Variants in P2RX3 observed in about 807,000 individuals in gnomAD.
The protein encoded by P2RX3 is purinergic receptor P2X 3.
P2RX3 carries 41 observed loss-of-function variants against 51.5 expected under a neutral mutation model. The ratio of observed to expected loss-of-function variants is 0.80; its 90% confidence interval spans 0.62 to 1.03. The LOEUF (loss-of-function observed/expected upper bound fraction) is 1.03. Ranked by LOEUF, P2RX3 falls within the 50% of genes least tolerant of loss-of-function variation. The pLI, the probability that P2RX3 is intolerant of heterozygous loss-of-function variation, is 0.00. For missense variants in P2RX3, 459 were observed against 522.1 expected (o/e 0.88, Z 1.18); for synonymous variants, 185 against 191.6 (o/e 0.97, Z 0.29).
At chr11:57,359,708 T>A (rs1192325069) in intron 8 of P2RX3, among the ~76,000 whole-genome samples, 1 of 152,218 alleles carries the variant, frequency 6.6e-6, no homozygotes, top group East Asian at 1.9e-4. Flanking sequence ...GAACTCCTTT[T>A]GGCTCCTCTC....
intron 1 of P2RX3, among the ~76,000 whole-genome samples, chr11:57,341,693 G>A (rs1170595209): frequency 6.6e-6 from 1 of 152,162 alleles, no homozygotes; most frequent in African/African-American, 2.4e-5. Flanking sequence ...AATAGCCTGT[G>A]CTTGGCCTGA....
At chr11:57,347,542 C>T (rs1371698982) in intron 4 of P2RX3, 64 bp downstream of exon 4, 60 of 1,516,998 alleles carry the variant, frequency 4.0e-5, no homozygotes, top group Non-Finnish European at 4.8e-5. Flanking sequence ...GGGGAGAGCC[C>T]GTCGTTGGAG....
chr11:57,361,408 C>T (rs1390474466), intron 8 of P2RX3, among the ~76,000 whole-genome samples: 4 of 152,184 alleles, frequency 2.6e-5, no homozygotes, highest in African/African-American at 7.2e-5. Context: ...GTATTAAGCC[C>T]CACATGCATT....
At chr11:57,365,362 C>A (rs1271835205) in intron 8 of P2RX3, among the ~76,000 whole-genome samples, 1 of 152,232 alleles carries the variant, frequency 6.6e-6, no homozygotes, top group East Asian at 1.9e-4. Flanking sequence ...AGGGGAGGAG[C>A]AATTCCCAGA....
In P2RX3 at chr11:57,371,090, G is replaced by A. The variant is rs1458774454; in HGVS notation, c.*1093G>A. 6.6e-6 allele frequency among the ~76,000 whole-genome samples: 1 copy of A among 152,228 alleles called. No homozygotes were observed. The highest frequency in any genetic ancestry group is 2.4e-5 in the African/African-American group (1 of 41,466). Reference sequence around the variant, plus strand: ...AGATGAGCAAACTGAGGCCAGAAAGGGAAAATGACTGGTTCAGTGCCACAG... The same window carrying A: ...AGATGAGCAAACTGAGGCCAGAAAGAGAAAATGACTGGTTCAGTGCCACAG... On this transcript the variant is annotated 3_prime_UTR_variant, in exon 12 of 12. Coordinates refer to ENST00000263314, the MANE Select transcript of P2RX3 (RefSeq NM_002559.5).
intron 7 of P2RX3, 58 bp downstream of exon 7, chr11:57,349,956 G>A: frequency 6.2e-7 from 1 of 1,605,220 alleles, no homozygotes; most frequent in South Asian, 1.1e-5. Context: ...CCCTTTCCCA[G>A]ATTTCAGGGC....
At chr11:57,339,242 G>T (rs532035141) in intron 1 of P2RX3, among the ~76,000 whole-genome samples, 1 of 152,274 alleles carries the variant, frequency 6.6e-6, no homozygotes, top group African/African-American at 2.4e-5. Context: ...GGGCAAGGGA[G>T]AAGCCCTCTG....
chr11:57,347,371 C>A (rs1323339188), intron 3 of P2RX3, 44 bp from the exon 4 acceptor site: 2 of 1,548,870 alleles, frequency 1.3e-6, no homozygotes, highest in Non-Finnish European at 1.7e-6. Flanking sequence ...GCTCACCAGG[C>A]CAGGACAGTG....
At chr11:57,368,236 C>G (rs1258582310) in intron 9 of P2RX3, 134 bp downstream of exon 9, 2 of 1,296,558 alleles carry the variant, frequency 1.5e-6, no homozygotes, top group Non-Finnish European at 2.2e-6. Context: ...GGTCACTCTC[C>G]CATCAATTCA....
In P2RX3 at chr11:57,372,024, T is replaced by C. The variant is rs936572073; in HGVS notation, c.*2027T>C. On this transcript the variant is annotated 3_prime_UTR_variant, in exon 12 of 12. Transcript: ENST00000263314. The stretch of plus-strand genomic sequence containing the variant: ...CATATCTGAACTAAGTTACCACTTC[T>C]GTGTGCTAGATGTAGGGTTAATATC... 6.6e-6 allele frequency among the ~76,000 whole-genome samples: 1 copy of C among 152,194 alleles called. No homozygotes were observed. The highest frequency in any genetic ancestry group is 3.2e-3 in the Middle Eastern group (1 of 316).
chr11:57,366,818 T>G (rs867170835), intron 8 of P2RX3, among the ~76,000 whole-genome samples: 10 of 152,128 alleles, frequency 6.6e-5, no homozygotes, highest in African/African-American at 1.9e-4. Flanking sequence ...CTCAGATCTC[T>G]CTTCCTCTTC....
chr11:57,342,621 TCAGTCCC>T (rs907705073), intron 1 of P2RX3, among the ~76,000 whole-genome samples: 1 of 152,234 alleles, frequency 6.6e-6, no homozygotes, highest in African/African-American at 2.4e-5. Flanking sequence ...TCTCTAAGTC[TCAGTCCC>T]CATATCTGGA....
intron 8 of P2RX3, among the ~76,000 whole-genome samples, chr11:57,354,922 C>CA: frequency 6.6e-6 from 1 of 152,234 alleles, no homozygotes; most frequent in South Asian, 2.1e-4. Context: ...AGTGCAGTGC[C>CA]AGGGCCAGAA....
At position 57,347,421 on chromosome 11, in the gene P2RX3, G is replaced by C. The variant is rs539059865; in HGVS notation, c.334G>C (p.Glu112Gln). The change falls in exon 4 of 12, where the codon GAG becomes CAG. Residue 112 changes from glutamate to glutamine, a missense_variant. Glu to Gln is a conservative substitution (Grantham distance 29). Coordinates refer to ENST00000263314, the MANE Select transcript of P2RX3 (RefSeq NM_002559.5). Reference protein sequence around the residue: ...QMQGFCPESEEKYRCVSDSQC... With the variant: ...QMQGFCPESEQKYRCVSDSQC... The stretch of plus-strand genomic sequence containing the variant: ...GTGACCCGTCTGCCCACAGAGTGAG[G>C]AGAAATACCGCTGTGTATCAGACAG... 8.3e-6 allele frequency: 13 copies of C among 1,559,710 alleles called. No homozygotes were observed. In the South Asian group the frequency reaches 1.3e-4, roughly 16 times the overall value.
intron 7 of P2RX3, 146 bp from the exon 8 acceptor site, chr11:57,350,615 AT>A (rs1565066004): frequency 6.5e-6 from 7 of 1,077,922 alleles, no homozygotes. Context: ...AGTATATGAC[AT>A]GTCACTTTCC....
chr11:57,350,995 CCCT>C (rs1856538902), intron 8 of P2RX3, 97 bp downstream of exon 8: 6 of 1,546,944 alleles, frequency 3.9e-6, no homozygotes, highest in Non-Finnish European at 4.4e-6. Flanking sequence ...ATCCACCCAC[CCCT>C]GGCCCCAAGT....
In P2RX3 at chr11:57,348,631, A is replaced by G; in HGVS notation, c.490A>G (p.Ile164Val). 5.0e-6 allele frequency: 8 copies of G among 1,613,850 alleles called. No individual in the cohort carries two copies. The highest frequency in any genetic ancestry group is 5.9e-6 in the Non-Finnish European group (7 of 1,179,810). ...GCCTCCTGTGCTCACCCACAGGCCC[A>G]TCATGATGGAAGCTGAGAACTTCAC... Reference protein sequence around the residue: ...PTEVDTVETPIMMEAENFTIF... With the variant: ...PTEVDTVETPVMMEAENFTIF... Residue 164 changes from isoleucine to valine, a missense_variant, in exon 6 of 12, where the codon ATC (isoleucine) becomes GTC (valine). Physicochemically the swap from Ile to Val is conservative, Grantham distance 29 (BLOSUM62 3). Coordinates refer to ENST00000263314, the MANE Select transcript of P2RX3 (RefSeq NM_002559.5).
Position 57,346,662 on chromosome 11 carries a change from T to C in P2RX3, c.238T>C (p.Tyr80His), listed in dbSNP as rs942833485. The change falls in exon 2 of 12, where the codon TAC (tyrosine) becomes CAC (histidine). Residue 80 changes from tyrosine to histidine, a missense_variant. Tyr to His is a moderately conservative substitution (Grantham distance 83). Coordinates refer to ENST00000263314, the MANE Select transcript of P2RX3 (RefSeq NM_002559.5). Reference protein sequence around the residue: ...YANRVMDVSDYVTPPQGTSVF... With the variant: ...YANRVMDVSDHVTPPQGTSVF... ...CAACAGAGTCATGGATGTGTCTGAT[T>C]ACGTGACGCCACCTCAGGTATGGTA... 1 of 1,613,910 alleles carries C rather than the reference T, an allele frequency of 6.2e-7. No homozygotes were observed. The highest frequency in any genetic ancestry group is 1.7e-5 in the Admixed American group (1 of 60,000).
At chr11:57,349,691 G>C in intron 6 of P2RX3, 66 bp from the exon 7 acceptor site, 1 of 1,602,494 alleles carries the variant, frequency 6.2e-7, no homozygotes, top group African/African-American at 1.3e-5. Context: ...CGGAAGGCGG[G>C]GAGAGATTGC....
Sources: allele counts gnomAD v4.1 joint callset (sites outside exome capture counted in the v4.1 genomes callset), GRCh38; gene constraint gnomAD v4.1.1; transcripts MANE v1.5; gene names NCBI Gene and HGNC (gene_info 2026-07-23, HGNC 2026-07-21).